DOCK8: variants seen among roughly 807,000 people sequenced by gnomAD.
The protein encoded by DOCK8 is dedicator of cytokinesis protein 8.
In DOCK8, 141 loss-of-function variants were observed where a neutral mutation model predicts 245.6. The observed-to-expected ratio is 0.57, with a 90% CI of 0.50 to 0.66. The LOEUF is 0.66. Among genes scored for constraint, DOCK8 ranks in the 30% least tolerant of loss-of-function variants. DOCK8 has a pLI of 0.00. For synonymous variants in DOCK8, 1,168 were observed against 970.2 expected (o/e 1.20, Z -3.79); for missense variants, 2,965 against 2,603.4 (o/e 1.14, Z -3.02).
chr9:218,877 A>G (rs1420996744), intron 1 of DOCK8, among the ~76,000 whole-genome samples: 1 of 152,194 alleles, frequency 6.6e-6, no homozygotes, highest in Non-Finnish European at 1.5e-5. Flanking sequence ...AAATATTTAC[A>G]TATCGTAACT....
intron 7 of DOCK8, among the ~76,000 whole-genome samples, chr9:319,206 C>T (rs1200816498): frequency 6.6e-6 from 1 of 152,086 alleles, no homozygotes; most frequent in East Asian, 1.9e-4. Context: ...TCGCTTGAGG[C>T]CAGGAGTTCA....
chr9:399,989 C>CCACCACCTCCACCAT (rs2054678255), intron 26 of DOCK8, among the ~76,000 whole-genome samples: 1 of 79,400 alleles, frequency 1.3e-5, no homozygotes, highest in Non-Finnish European at 2.4e-5. Flanking sequence ...TCACCACCTC[C>CCACCACCTCCACCAT]CACCACCTCC....
chr9:367,732 T>TA (rs2053076781), intron 14 of DOCK8, among the ~76,000 whole-genome samples: 1 of 152,194 alleles, frequency 6.6e-6, no homozygotes, highest in Non-Finnish European at 1.5e-5. Flanking sequence ...GATAGACAAT[T>TA]ACCTCTAGGC....
chr9:464,685 A>G lies in DOCK8; in HGVS notation c.*466A>G, dbSNP rs2057916977. ...CAGGGCAAACTTGTAGGAGTACGAA[A>G]CATTTTCAATAAATCTACAAAGGGA... On this transcript the variant is annotated 3_prime_UTR_variant, in exon 48 of 48. Transcript: ENST00000432829. 1.1e-5 allele frequency: 2 copies of G among 186,730 alleles called. No homozygotes were observed. Among genetic ancestry groups the G allele is most frequent in the South Asian group, 2.0e-4 (2 of 9,840 alleles). 11.6% of individuals were successfully genotyped at this position (186,730 alleles called of 1,614,324 possible).
At chr9:282,407 C>CA (rs1586588929) in intron 2 of DOCK8, among the ~76,000 whole-genome samples, 7 of 134,416 alleles carry the variant, frequency 5.2e-5, no homozygotes, top group African/African-American at 8.4e-5. Context: ...CTTTTTGTTT[C>CA]GTTTTGTTTT....
intron 1 of DOCK8, among the ~76,000 whole-genome samples, chr9:226,681 G>T (rs1199749552): frequency 6.6e-6 from 1 of 152,138 alleles, no homozygotes; most frequent in East Asian, 1.9e-4. Context: ...TTTTAACAGA[G>T]ATTGAAAAGA....
chr9:316,913 A>C, intron 6 of DOCK8, 130 bp from the exon 7 acceptor site: 5 of 735,928 alleles, frequency 6.8e-6, no homozygotes. Context: ...TAAAAGGCAG[A>C]GTGTTAGAAA....
chr9:443,287 C>A, intron 42 of DOCK8, 140 bp from the exon 43 acceptor site: 1 of 808,190 alleles, frequency 1.2e-6, no homozygotes, highest in Admixed American at 2.1e-5. Context: ...GAACTTTGCT[C>A]ATTAGCTCAG....
rs918946109 is a variant in DOCK8, at chr9:304,639, C to A, written c.463C>A (p.His155Asn). 1 of 1,614,078 alleles carries A rather than the reference C, an allele frequency of 6.2e-7. No homozygotes were observed. The highest frequency in any genetic ancestry group is 1.3e-5 in the African/African-American group (1 of 74,934). The stretch of plus-strand genomic sequence containing the variant: ...AAAGACTGGATCTCGAAAAGATTTT[C>A]ACAAGACGCTTCCGAAACAGACGTT... ...FKKTGSRKDF[H>N]KTLPKQTFES... Residue 155 changes from histidine (H) to asparagine (N), a missense_variant, in exon 5 of 48, where the codon CAC (histidine) becomes AAC (asparagine). His to Asn is a moderately conservative substitution (Grantham distance 68). Coordinates refer to ENST00000432829, the MANE Select transcript of DOCK8 (RefSeq NM_203447.4).
intron 14 of DOCK8, chr9:340,524 G>C (rs2051532362): frequency 1.7e-6 from 1 of 600,174 alleles, no homozygotes; most frequent in Non-Finnish European, 2.9e-6. Context: ...GGCAGGCTGA[G>C]GCAGGAGAAT....
At chr9:389,302 A>C (rs541562977) in intron 23 of DOCK8, among the ~76,000 whole-genome samples, 1 of 152,318 alleles carries the variant, frequency 6.6e-6, no homozygotes, top group South Asian at 2.1e-4. Context: ...GAAAAGGTAT[A>C]AGTCACCCTG....
intron 26 of DOCK8, among the ~76,000 whole-genome samples, chr9:400,022 C>G (rs796120284): frequency 5.1e-5 from 6 of 117,136 alleles, no homozygotes; most frequent in Non-Finnish European, 1.0e-4. Context: ...ATCACCACCA[C>G]CTCCACCATC....
At position 449,895 on chromosome 9, in the gene DOCK8, C is replaced by T. The variant is rs12238378; in HGVS notation, c.5929C>T (p.Leu1977=). The T allele has an allele frequency of 1.2e-6, 2 of 1,613,874 alleles. No homozygotes were observed. Among genetic ancestry groups the T allele is most frequent in the Admixed American group, 1.7e-5 (1 of 60,014 alleles). ...PPDAKMLQMV[L]QGSVGATVNQ... ...TGATGCAAAGATGCTTCAGATGGTGCTGCAAGGCTCTGTGGGAGCTACTGT... is the reference window on the plus strand; with the variant it reads ...TGATGCAAAGATGCTTCAGATGGTGTTGCAAGGCTCTGTGGGAGCTACTGT... Residue 1977 remains leucine (L), a synonymous_variant, in exon 45 of 48, where the codon CTG becomes TTG. Coordinates refer to ENST00000432829, the MANE Select transcript of DOCK8 (RefSeq NM_203447.4).
intron 14 of DOCK8, among the ~76,000 whole-genome samples, chr9:347,402 A>G (rs189634833): frequency 6.6e-6 from 1 of 152,274 alleles, no homozygotes; most frequent in African/African-American, 2.4e-5. Context: ...GTTACTTGTG[A>G]GGCTGAGGTG....
intron 1 of DOCK8, among the ~76,000 whole-genome samples, chr9:240,757 C>G (rs1319937999): frequency 6.6e-6 from 1 of 152,100 alleles, no homozygotes; most frequent in Non-Finnish European, 1.5e-5. Context: ...TGGAAAGACC[C>G]TGCTTCCCTC....
chr9:262,264 A>G lies in DOCK8; in HGVS notation c.54-9363A>G, dbSNP rs114234427. The stretch of plus-strand genomic sequence containing the variant: ...ACCAAGTATTGTTGAACATATGGAA[A>G]AACTGGAACACTGATTATGGGAGTA... On this transcript the variant is annotated intron_variant, in intron 1 of 47. Transcript: ENST00000432829. Among the ~76,000 whole-genome samples, 489 of 152,054 alleles carry G rather than the reference A, an allele frequency of 3.2e-3. 1 individual carries two copies. The highest frequency in any genetic ancestry group is 0.011 in the African/African-American group (476 of 41,514).
chr9:331,511 T>C (rs960317159), intron 9 of DOCK8, among the ~76,000 whole-genome samples: 34 of 152,368 alleles, frequency 2.2e-4, no homozygotes, highest in Non-Finnish European at 1.9e-4. Context: ...ATTAAGTATG[T>C]GTCCCTTTTG....
At chr9:455,302 TG>T (rs1450242802) in intron 46 of DOCK8, among the ~76,000 whole-genome samples, 1 of 151,904 alleles carries the variant, frequency 6.6e-6, no homozygotes, top group African/African-American at 2.4e-5. Context: ...AGGACCAGCC[TG>T]GGCAACATGG....
chr9:257,203 A>G (rs957031867), intron 1 of DOCK8, among the ~76,000 whole-genome samples: 26 of 152,226 alleles, frequency 1.7e-4, no homozygotes, highest in Non-Finnish European at 1.2e-4. Context: ...GGAAGAAGTG[A>G]TTATTTGAGG....
Sources: allele counts gnomAD v4.1 joint callset (sites outside exome capture counted in the v4.1 genomes callset), GRCh38; gene constraint gnomAD v4.1.1; transcripts MANE v1.5; gene names NCBI Gene and HGNC (gene_info 2026-07-23, HGNC 2026-07-21).